The following GALNT13 variants were observed in gnomAD, a reference collection of about 807,000 sequenced individuals.
GALNT13 encodes the protein polypeptide N-acetylgalactosaminyltransferase 13, also known as UDP-GalNAc:polypeptide N-acetylgalactosaminyltransferase 13.
GALNT13 carries 28 observed loss-of-function variants against 64.2 expected under a neutral mutation model. The ratio of observed to expected loss-of-function variants is 0.44; its 90% CI spans 0.32 to 0.60. GALNT13 has a LOEUF of 0.60. GALNT13 is among the 20% of genes least tolerant of loss of function. The pLI, the probability that GALNT13 is intolerant of heterozygous loss-of-function variation, is 0.05. For missense variants in GALNT13, 577 were observed against 669.8 expected (o/e 0.86, Z 1.53); for synonymous variants, 214 against 224.6 (o/e 0.95, Z 0.42).
At chr2:153,619,663 T>C in the GALNT13 span, among the ~76,000 whole-genome samples, 1 of 152,140 alleles carries the variant, frequency 6.6e-6, no homozygotes, top group African/African-American at 2.4e-5. Flanking sequence ...TTTGTTTGTC[T>C]GGGAATGTCT....
At chr2:153,476,389 T>G in the GALNT13 span, among the ~76,000 whole-genome samples, 1 of 152,364 alleles carries the variant, frequency 6.6e-6, no homozygotes, top group African/African-American at 2.4e-5. Flanking sequence ...CTATATAGCA[T>G]CCTAGTGGAT....
intron 1 of GALNT13, among the ~76,000 whole-genome samples, chr2:153,893,148 AT>A (rs146247999): frequency 1.8e-4 from 27 of 152,206 alleles, no homozygotes; most frequent in Non-Finnish European, 3.7e-4. Context: ...AAGAGCATAA[AT>A]GTGCCAATAG....
chr2:154,406,271 C>T (rs903103866), intron 10 of GALNT13, among the ~76,000 whole-genome samples: 5 of 152,242 alleles, frequency 3.3e-5, no homozygotes, highest in African/African-American at 1.2e-4. Flanking sequence ...TTCTGTTAAT[C>T]ACCATCATCT....
chr2:153,295,251 T>TACAA, the GALNT13 span, among the ~76,000 whole-genome samples: 1 of 152,266 alleles, frequency 6.6e-6, no homozygotes. Context: ...ATAACTTACA[T>TACAA]TTGTATCACC....
At chr2:153,372,431 A>G in the GALNT13 span, among the ~76,000 whole-genome samples, 4 of 152,134 alleles carry the variant, frequency 2.6e-5, no homozygotes, top group Non-Finnish European at 5.9e-5. Flanking sequence ...GTGGATCACG[A>G]TGTCAAGAGA....
At chr2:154,113,799 T>G (rs1159000829) in intron 3 of GALNT13, among the ~76,000 whole-genome samples, 1 of 152,220 alleles carries the variant, frequency 6.6e-6, no homozygotes, top group East Asian at 1.9e-4. Context: ...GATATACCCC[T>G]GAGGTAGGAC....
the GALNT13 span, among the ~76,000 whole-genome samples, chr2:153,684,849 A>G: frequency 2.6e-5 from 4 of 151,348 alleles, no homozygotes; most frequent in South Asian, 2.1e-4. Context: ...GTTCCCCTCT[A>G]TGTTTCCTTG....
chr2:153,943,980 G>A (rs1483738715), intron 2 of GALNT13, among the ~76,000 whole-genome samples: 4 of 152,086 alleles, frequency 2.6e-5, no homozygotes, highest in Non-Finnish European at 5.9e-5. Context: ...TGTCTATGAA[G>A]GCCAGATTTT....
chr2:153,409,136 C>T, the GALNT13 span, among the ~76,000 whole-genome samples: 1 of 151,988 alleles, frequency 6.6e-6, no homozygotes, highest in Non-Finnish European at 1.5e-5. Context: ...TTGTCCATTG[C>T]CTGCTTCCCT....
At chr2:154,025,353 A>C (rs1022422499) in intron 3 of GALNT13, among the ~76,000 whole-genome samples, 2 of 152,106 alleles carry the variant, frequency 1.3e-5, no homozygotes, top group African/African-American at 4.8e-5. Flanking sequence ...AATAAAGTTT[A>C]CCTCTGATCT....
the GALNT13 span, among the ~76,000 whole-genome samples, chr2:153,665,042 A>G: frequency 6.6e-6 from 1 of 152,214 alleles, no homozygotes; most frequent in Non-Finnish European, 1.5e-5. Context: ...GAAATATTGA[A>G]TACCTGTCTA....
the GALNT13 span, among the ~76,000 whole-genome samples, chr2:153,485,282 G>A: frequency 6.6e-6 from 1 of 151,950 alleles, no homozygotes; most frequent in African/African-American, 2.4e-5. Context: ...TTTTAAATTA[G>A]GCTGTATTCT....
chr2:154,449,161 T>C (rs185756682), intron 12 of GALNT13, among the ~76,000 whole-genome samples: 1 of 152,092 alleles, frequency 6.6e-6, no homozygotes, highest in Admixed American at 6.6e-5. Flanking sequence ...TTCCATGTTT[T>C]GAAAGAGCAA....
intron 9 of GALNT13, 99 bp from the exon 10 acceptor site, chr2:154,395,892 G>A: frequency 9.1e-7 from 1 of 1,099,528 alleles, no homozygotes; most frequent in Non-Finnish European, 1.2e-6. Flanking sequence ...GAATTTGCTG[G>A]AATTATGAAG....
At chr2:153,777,223 G>A in the GALNT13 span, among the ~76,000 whole-genome samples, 3 of 152,156 alleles carry the variant, frequency 2.0e-5, no homozygotes, top group Non-Finnish European at 4.4e-5. Context: ...GTTGATGTTT[G>A]AGGAGGAAAT....
chr2:153,124,102 A>G, the GALNT13 span, among the ~76,000 whole-genome samples: 1 of 152,304 alleles, frequency 6.6e-6, no homozygotes, highest in Admixed American at 6.5e-5. Flanking sequence ...ATAGCAAGGA[A>G]CTGAGGGTAG....
intron 12 of GALNT13, among the ~76,000 whole-genome samples, chr2:154,439,872 T>A (rs1701196567): frequency 6.6e-6 from 1 of 152,126 alleles, no homozygotes; most frequent in African/African-American, 2.4e-5. Context: ...ACACTGAGAA[T>A]TCTTCCTATG....
At chr2:153,242,354 G>A in the GALNT13 span, among the ~76,000 whole-genome samples, 2 of 152,098 alleles carry the variant, frequency 1.3e-5, no homozygotes, top group African/African-American at 4.8e-5. Context: ...TATGCTTGAG[G>A]AGATTCCAAA....
At chr2:153,437,019 T>C in the GALNT13 span, among the ~76,000 whole-genome samples, 1 of 152,202 alleles carries the variant, frequency 6.6e-6, no homozygotes, top group Non-Finnish European at 1.5e-5. Flanking sequence ...GATTCTGGTA[T>C]GTTGTGTCTT....
Sources: gnomAD v4.1 joint callset for allele counts (sites outside exome capture counted in the v4.1 genomes callset) on GRCh38, gnomAD v4.1.1 for gene constraint, MANE v1.5 for transcripts, NCBI Gene and HGNC (gene_info 2026-07-23, HGNC 2026-07-21) for gene names.